Variants in IL1RAPL1 observed in about 807,000 individuals in gnomAD.
IL1RAPL1 encodes interleukin-1 receptor accessory protein-like 1.
IL1RAPL1 carries 3 observed loss-of-function variants against 48.4 expected under a neutral mutation model. The observed-to-expected ratio is 0.06, with a 90% confidence interval of 0.03 to 0.16. The LOEUF (loss-of-function observed/expected upper bound fraction) is 0.16. Among genes scored for constraint, IL1RAPL1 ranks in the 10% least tolerant of loss-of-function variants. The probability of loss-of-function intolerance (pLI) is 1.00; values close to 1 mark genes in which losing one functional copy is unlikely to be tolerated. For missense variants in IL1RAPL1, 349 were observed against 530.6 expected (o/e 0.66, Z 3.36); for synonymous variants, 185 against 187.7 (o/e 0.99, Z 0.12).
At chrX:28,972,251 T>C (rs573640400) in intron 2 of IL1RAPL1, among the ~76,000 whole-genome samples, 2 of 111,584 alleles carry the variant, frequency 1.8e-5, no homozygotes, top group South Asian at 7.4e-4. Flanking sequence ...GAAACAATAA[T>C]AATTATTATT....
intron 2 of IL1RAPL1, among the ~76,000 whole-genome samples, chrX:28,827,162 G>A (rs903895311): frequency 9.0e-6 from 1 of 110,854 alleles, no homozygotes; most frequent in African/African-American, 3.3e-5. Context: ...TTCATGCTCA[G>A]CAGAAATACA....
chrX:29,365,424 A>AT (rs1933437929), intron 3 of IL1RAPL1, among the ~76,000 whole-genome samples: 1 of 112,843 alleles, frequency 8.9e-6, no homozygotes, highest in Non-Finnish European at 1.9e-5. Flanking sequence ...GGCCAGGCAC[A>AT]TTGGCTCACG....
chrX:29,154,071 T>A (rs910360390), intron 2 of IL1RAPL1, among the ~76,000 whole-genome samples: 2 of 111,464 alleles, frequency 1.8e-5, no homozygotes, highest in Non-Finnish European at 3.8e-5. Context: ...TTAGAGAAGG[T>A]TTATCATCTT....
chrX:29,668,179 A>G (rs1326821551), intron 5 of IL1RAPL1, among the ~76,000 whole-genome samples: 1 of 112,167 alleles, frequency 8.9e-6, no homozygotes, highest in African/African-American at 3.2e-5. Context: ...GGACTGACCA[A>G]TCCTGATGGT....
chrX:28,862,644 G>A (rs1184338643), intron 2 of IL1RAPL1, among the ~76,000 whole-genome samples: 1 of 111,586 alleles, frequency 9.0e-6, no homozygotes, highest in African/African-American at 3.3e-5. Context: ...ATTGCAGGAG[G>A]AATGCATTAC....
At chrX:29,364,324 C>T (rs1477789122) in intron 3 of IL1RAPL1, among the ~76,000 whole-genome samples, 1 of 109,175 alleles carries the variant, frequency 9.2e-6, no homozygotes, top group African/African-American at 3.3e-5. Context: ...TTTGGGAGGT[C>T]GAGATGAGCA....
intron 6 of IL1RAPL1, among the ~76,000 whole-genome samples, chrX:29,881,469 TA>T (rs1466789588): frequency 9.0e-6 from 1 of 111,333 alleles, no homozygotes; most frequent in African/African-American, 3.3e-5. Flanking sequence ...TGTTTTACCT[TA>T]CCTTTTGCTA....
At chrX:29,406,146 T>C (rs1934063830) in intron 5 of IL1RAPL1, among the ~76,000 whole-genome samples, 1 of 111,733 alleles carries the variant, frequency 8.9e-6, no homozygotes, top group South Asian at 3.7e-4. Flanking sequence ...TCCCAGCACT[T>C]TGGGAGGCCG....
chrX:29,714,169 C>G (rs1170197030), intron 6 of IL1RAPL1, among the ~76,000 whole-genome samples: 1 of 111,882 alleles, frequency 8.9e-6, no homozygotes, highest in African/African-American at 3.2e-5. Flanking sequence ...AGGACAGAAT[C>G]TGCATCTTAA....
intron 3 of IL1RAPL1, among the ~76,000 whole-genome samples, chrX:29,325,826 A>G (rs990122819): frequency 1.8e-5 from 2 of 112,045 alleles, no homozygotes; most frequent in African/African-American, 6.5e-5. Context: ...GTTTCTGATC[A>G]TGGCAGAAGG....
At chrX:29,506,426 T>TC (rs1569326393) in intron 5 of IL1RAPL1, among the ~76,000 whole-genome samples, 10 of 84,155 alleles carry the variant, frequency 1.2e-4, no homozygotes, top group African/African-American at 4.4e-4. Context: ...TTCTTCTTCT[T>TC]CTCCTTCTCC....
chrX:28,677,091 T>C (rs1333437167), intron 1 of IL1RAPL1, among the ~76,000 whole-genome samples: 1 of 112,100 alleles, frequency 8.9e-6, no homozygotes, highest in Non-Finnish European at 1.9e-5. Flanking sequence ...ATATTACTTA[T>C]ACAAGTCAAC....
intron 6 of IL1RAPL1, among the ~76,000 whole-genome samples, chrX:29,680,247 A>T (rs1322138891): frequency 9.0e-6 from 1 of 111,430 alleles, no homozygotes; most frequent in African/African-American, 3.3e-5. Context: ...CTCTTTCTGC[A>T]TGTCATCATT....
chrX:29,179,303 G>A (rs1930095746), intron 2 of IL1RAPL1, among the ~76,000 whole-genome samples: 1 of 111,194 alleles, frequency 9.0e-6, no homozygotes, highest in Admixed American at 9.6e-5. Flanking sequence ...CCTTGAAGAG[G>A]TCCTTCACAT....
intron 2 of IL1RAPL1, among the ~76,000 whole-genome samples, chrX:29,275,694 A>G (rs145969333): frequency 7.5e-4 from 84 of 111,906 alleles, no homozygotes; most frequent in African/African-American, 2.7e-3. Flanking sequence ...CTCAGAATTT[A>G]TTCGTTTTTC....
intron 6 of IL1RAPL1, among the ~76,000 whole-genome samples, chrX:29,803,143 A>G (rs1230037829): frequency 1.1e-5 from 1 of 92,194 alleles, no homozygotes; most frequent in Non-Finnish European, 2.1e-5. Flanking sequence ...GCATATATGT[A>G]TATATGTGTA....
At chrX:29,356,924 T>C (rs1201250473) in intron 3 of IL1RAPL1, among the ~76,000 whole-genome samples, 1 of 111,785 alleles carries the variant, frequency 8.9e-6, no homozygotes, top group Non-Finnish European at 1.9e-5. Flanking sequence ...AGTAGTGTTC[T>C]AGTTTTCGCC....
At chrX:29,826,845 A>T (rs2147185901) in intron 6 of IL1RAPL1, among the ~76,000 whole-genome samples, 1 of 112,065 alleles carries the variant, frequency 8.9e-6, no homozygotes, top group Admixed American at 9.5e-5. Context: ...CTCCATGAAC[A>T]TGTTTTCAAT....
At chrX:29,714,088 C>G (rs1055492771) in intron 6 of IL1RAPL1, among the ~76,000 whole-genome samples, 1 of 111,901 alleles carries the variant, frequency 8.9e-6, no homozygotes, top group African/African-American at 3.2e-5. Context: ...AGCTATATGT[C>G]TGCCACTACT....
Sources: gnomAD v4.1 joint callset for allele counts (sites outside exome capture counted in the v4.1 genomes callset) on GRCh38, gnomAD v4.1.1 for gene constraint, MANE v1.5 for transcripts, NCBI Gene and HGNC (gene_info 2026-07-23, HGNC 2026-07-21) for gene names.